POU2F1: variants seen among roughly 807,000 people sequenced by gnomAD.
The protein encoded by POU2F1 is POU class 2 homeobox 1, also known as POU domain, class 2, transcription factor 1.
A neutral mutation model predicts 84.9 loss-of-function variants in POU2F1; 16 were observed. The observed-to-expected ratio is 0.19, with a 90% CI of 0.13 to 0.29. The LOEUF (loss-of-function observed/expected upper bound fraction) is 0.29, where lower values mean the gene tolerates loss of function less well. Among genes scored for constraint, POU2F1 ranks in the 10% least tolerant of loss-of-function variants. The pLI is 1.00. For missense variants in POU2F1, 738 were observed against 942.6 expected (o/e 0.78, Z 2.84); for synonymous variants, 368 against 368.3 (o/e 1.00, Z 0.01).
intron 1 of POU2F1, among the ~76,000 whole-genome samples, chr1:167,280,580 A>T (rs1407368368): frequency 2.6e-5 from 4 of 152,282 alleles, no homozygotes; most frequent in Middle Eastern, 3.4e-3. Context: ...CTGGGCTTTT[A>T]CATGGCCCTT....
At chr1:167,374,030 C>T in intron 5 of POU2F1, 78 bp from the exon 6 acceptor site, 1 of 1,386,302 alleles carries the variant, frequency 7.2e-7, no homozygotes, top group Non-Finnish European at 1.0e-6. Flanking sequence ...TTTGAGTTAC[C>T]TATTTTAAAG....
intron 1 of POU2F1, among the ~76,000 whole-genome samples, chr1:167,324,178 GA>G (rs1462827724): frequency 6.6e-6 from 1 of 152,116 alleles, no homozygotes; most frequent in Non-Finnish European, 1.5e-5. Flanking sequence ...TAAAAAAATA[GA>G]AAAGCATTAT....
intron 1 of POU2F1, chr1:167,257,851 T>C (rs1461773169): frequency 1.3e-5 from 2 of 151,938 alleles, no homozygotes; most frequent in Non-Finnish European, 2.9e-5. Flanking sequence ...TATGGCTCAG[T>C]TCACCCTCAA....
intron 10 of POU2F1, among the ~76,000 whole-genome samples, chr1:167,397,676 A>G (rs1571440555): frequency 6.6e-6 from 1 of 151,942 alleles, no homozygotes; most frequent in Non-Finnish European, 1.5e-5. Context: ...CTCCCAAGTA[A>G]CTGGGACCAC....
chr1:167,278,175 C>A (rs1407899818), intron 1 of POU2F1, among the ~76,000 whole-genome samples: 1 of 152,218 alleles, frequency 6.6e-6, no homozygotes, highest in African/African-American at 2.4e-5. Context: ...TTCAGATTCT[C>A]ACAGGTACCA....
At chr1:167,399,944 C>T (rs1048786254) in intron 12 of POU2F1, among the ~76,000 whole-genome samples, 6 of 135,084 alleles carry the variant, frequency 4.4e-5, no homozygotes, top group South Asian at 2.4e-4. Flanking sequence ...GCTGGGATTA[C>T]GGGTGTGAGC....
chr1:167,374,639 C>G (rs1484841184), intron 6 of POU2F1, among the ~76,000 whole-genome samples: 5 of 151,904 alleles, frequency 3.3e-5, no homozygotes, highest in African/African-American at 1.2e-4. Flanking sequence ...TTCATGTGCT[C>G]TGCGGTGAAT....
intron 1 of POU2F1, among the ~76,000 whole-genome samples, chr1:167,276,887 A>C (rs1376410748): frequency 2.6e-5 from 4 of 152,212 alleles, no homozygotes; most frequent in African/African-American, 7.2e-5. Context: ...TGAAGTCAGG[A>C]GAGAGTGCAG....
chr1:167,268,930 T>G (rs954308533), intron 1 of POU2F1, among the ~76,000 whole-genome samples: 6 of 152,252 alleles, frequency 3.9e-5, no homozygotes, highest in African/African-American at 1.4e-4. Context: ...GTAATAACTT[T>G]GATTTACATT....
At chr1:167,348,359 G>T (rs1171410292) in intron 2 of POU2F1, among the ~76,000 whole-genome samples, 1 of 152,160 alleles carries the variant, frequency 6.6e-6, no homozygotes, top group Non-Finnish European at 1.5e-5. Flanking sequence ...CAGTGAAGTT[G>T]CTGGGTCCAC....
At chr1:167,257,417 G>T (rs1336619999) in intron 1 of POU2F1, among the ~76,000 whole-genome samples, 7 of 152,140 alleles carry the variant, frequency 4.6e-5, no homozygotes, top group Non-Finnish European at 7.4e-5. Context: ...TTGGCCTGAT[G>T]TCAGTTACTA....
At chr1:167,342,697 C>T (rs778029872) in intron 2 of POU2F1, among the ~76,000 whole-genome samples, 3 of 152,150 alleles carry the variant, frequency 2.0e-5, no homozygotes, top group Non-Finnish European at 4.4e-5. Flanking sequence ...CAGAATGGAG[C>T]ATTTGCAAAT....
At chr1:167,234,635 G>A (rs754687010) in intron 1 of POU2F1, among the ~76,000 whole-genome samples, 6 of 152,184 alleles carry the variant, frequency 3.9e-5, no homozygotes, top group East Asian at 1.9e-4. Flanking sequence ...TCTGGATGCC[G>A]AAGCAGGAGG....
intron 2 of POU2F1, among the ~76,000 whole-genome samples, chr1:167,361,661 G>T (rs1339814805): frequency 1.3e-5 from 2 of 152,086 alleles, no homozygotes; most frequent in South Asian, 2.1e-4. Context: ...CCAGATTTAG[G>T]TATCAAGATG....
At chr1:167,233,145 T>A (rs1269111580) in intron 1 of POU2F1, among the ~76,000 whole-genome samples, 2 of 151,314 alleles carry the variant, frequency 1.3e-5, no homozygotes, top group Non-Finnish European at 2.9e-5. Flanking sequence ...TTAATTTTTT[T>A]TTTTTTTTTA....
intron 1 of POU2F1, among the ~76,000 whole-genome samples, chr1:167,331,494 A>G (rs565929685): frequency 7.9e-5 from 12 of 152,220 alleles, no homozygotes; most frequent in Admixed American, 7.8e-4. Flanking sequence ...TTTAACCACT[A>G]AATAAGTTAA....
At chr1:167,270,547 CAGAG>C (rs769073935) in intron 1 of POU2F1, among the ~76,000 whole-genome samples, 21 of 151,896 alleles carry the variant, frequency 1.4e-4, no homozygotes, top group East Asian at 3.9e-4. Context: ...AGAGAAGAGA[CAGAG>C]AGAGAGAGAC....
At position 167,260,376 on chromosome 1, in the gene POU2F1, A is replaced by G. The variant is rs567282668; in HGVS notation, c.61+39418A>G. Among the ~76,000 whole-genome samples, 114 of 152,248 alleles carry G rather than the reference A, an allele frequency of 7.5e-4. 1 individual carries two copies. Among genetic ancestry groups the G allele is most frequent in the Non-Finnish European group, 1.5e-3 (103 of 68,018 alleles). ...TAATGAAAACAAGTTTTTAATTTTA[A>G]TACTATTGTATTTATCAGCCTTTTC... On this transcript the variant is annotated intron_variant, in intron 1 of 15. Coordinates refer to ENST00000367866, the MANE Select transcript of POU2F1 (RefSeq NM_002697.4).
At chr1:167,402,843 A>G (rs1231132336) in intron 13 of POU2F1, among the ~76,000 whole-genome samples, 1 of 152,240 alleles carries the variant, frequency 6.6e-6, no homozygotes, top group Non-Finnish European at 1.5e-5. Flanking sequence ...TGTTGTCCAA[A>G]TTGACTGCCA....
Sources: gnomAD v4.1 joint callset for allele counts (sites outside exome capture counted in the v4.1 genomes callset) on GRCh38, gnomAD v4.1.1 for gene constraint, MANE v1.5 for transcripts, NCBI Gene and HGNC (gene_info 2026-07-23, HGNC 2026-07-21) for gene names.